Variants in MEF2A observed in about 807,000 individuals in gnomAD.
MEF2A encodes the protein myocyte-specific enhancer factor 2A.
In MEF2A, 28 loss-of-function variants were observed where a neutral mutation model predicts 55.8. That is an observed-to-expected ratio of 0.50 (90% CI 0.37 to 0.69). The LOEUF is 0.69. MEF2A is among the 30% of genes least tolerant of loss of function. The pLI is 0.00. For missense variants in MEF2A, 528 were observed against 626.2 expected (o/e 0.84, Z 1.67); for synonymous variants, 239 against 227.1 (o/e 1.05, Z -0.47).
intron 4 of MEF2A, 109 bp downstream of exon 4, chr15:99,645,873 A>T (rs1188265284): frequency 1.5e-5 from 11 of 751,336 alleles, no homozygotes; most frequent in Non-Finnish European, 1.9e-5. Flanking sequence ...TTAGGTGTAT[A>T]TGTATCTTTT....
chr15:99,665,731 C>CAAAAAAAAAAAAAAAAA (rs752473261), intron 4 of MEF2A, among the ~76,000 whole-genome samples: 40 of 20,236 alleles, frequency 2.0e-3, no homozygotes, highest in African/African-American at 2.5e-3. Context: ...CTTAAATTTA[C>CAAAAAAAAAAAAAAAAA]AAAAAAAAAA....
At position 99,713,697 on chromosome 15, in the gene MEF2A, C is replaced by T. The variant is rs1218445846; in HGVS notation, c.*926C>T. The T allele has an allele frequency of 6.6e-6, 1 of 151,608 alleles. No homozygotes were observed. The highest frequency in any genetic ancestry group is 1.5e-5 in the Non-Finnish European group (1 of 67,904). The allele number at this position is 151,608 out of a possible 1,614,324, so 9.4% of individuals were successfully genotyped here. ...TATAAGCCAAAGCTATATGTTGTAA[C>T]TTTTTTTTAGAGAATAGCTTTATCT... On this transcript the variant is annotated 3_prime_UTR_variant, in exon 12 of 12. Coordinates refer to ENST00000557942, the MANE Select transcript of MEF2A (RefSeq NM_001319206.4).
intron 3 of MEF2A, among the ~76,000 whole-genome samples, chr15:99,638,420 G>A (rs941217957): frequency 3.9e-5 from 6 of 152,030 alleles, no homozygotes; most frequent in African/African-American, 1.4e-4. Context: ...TGGGATTCTA[G>A]TTACATATAA....
chr15:99,671,105 A>C (rs1334268767), intron 4 of MEF2A, among the ~76,000 whole-genome samples: 3 of 152,244 alleles, frequency 2.0e-5, no homozygotes, highest in Non-Finnish European at 4.4e-5. Flanking sequence ...CCAAACAAAT[A>C]TTCCTTTTCT....
At chr15:99,621,646 G>A (rs1295421767) in intron 2 of MEF2A, among the ~76,000 whole-genome samples, 1 of 152,070 alleles carries the variant, frequency 6.6e-6, no homozygotes, top group Admixed American at 6.5e-5. Flanking sequence ...CCTGATGTAT[G>A]AGTCTTATGT....
intron 7 of MEF2A, among the ~76,000 whole-genome samples, chr15:99,687,050 T>C (rs2054375943): frequency 1.1e-5 from 1 of 91,574 alleles, no homozygotes; most frequent in Admixed American, 1.1e-4. Flanking sequence ...TTTCTGGGAC[T>C]ACAGGTGCAC....
chr15:99,596,661 A>C (rs1350227900), intron 1 of MEF2A, among the ~76,000 whole-genome samples: 1 of 152,242 alleles, frequency 6.6e-6, no homozygotes, highest in Non-Finnish European at 1.5e-5. Flanking sequence ...TCACCGGATC[A>C]TGCAATTCTA....
rs761954497 is a variant in MEF2A, at chr15:99,675,405, T to C, written c.617T>C (p.Met206Thr). The C allele has an allele frequency of 6.2e-7, 1 of 1,613,852 alleles. No individual in the cohort carries two copies. Among genetic ancestry groups the C allele is most frequent in the African/African-American group, 1.3e-5 (1 of 75,050 alleles). The change falls in exon 7 of 12, where the codon ATG (methionine) becomes ACG (threonine). Residue 206 changes from methionine to threonine, a missense_variant. This residue lies in a region of MEF2A where 450 missense variants were observed against 475.3 expected (regional missense o/e 0.95). Coordinates refer to ENST00000557942, the MANE Select transcript of MEF2A (RefSeq NM_001319206.4). ...CTCTCCGTAACGTTGTTAGGTGGGA[T>C]GTTGAGCACTACAGACCTCACAGTG... ...RPPSTGNAGG[M>T]LSTTDLTVPN... is the part of the protein sequence containing the mutation.
chr15:99,654,585 G>GA (rs2153533934), intron 4 of MEF2A, among the ~76,000 whole-genome samples: 1 of 151,330 alleles, frequency 6.6e-6, no homozygotes, highest in Admixed American at 6.6e-5. Context: ...AAAAAAAGGG[G>GA]GGGGTATTGG....
intron 4 of MEF2A, among the ~76,000 whole-genome samples, chr15:99,667,900 T>A (rs1290972078): frequency 6.6e-6 from 1 of 151,868 alleles, no homozygotes; most frequent in African/African-American, 2.4e-5. Context: ...CAATACAGAG[T>A]TTTAAGAGAT....
intron 1 of MEF2A, among the ~76,000 whole-genome samples, chr15:99,571,212 A>G (rs1342450345): frequency 2.0e-5 from 3 of 151,954 alleles, no homozygotes; most frequent in South Asian, 4.2e-4. Flanking sequence ...AACAACAACA[A>G]CAGACTTCCC....
At chr15:99,621,115 G>A (rs1441987674) in intron 2 of MEF2A, 1 of 152,272 alleles carries the variant, frequency 6.6e-6, no homozygotes. Flanking sequence ...AAAGCGCTGG[G>A]ATTACAGGCG....
chr15:99,643,592 ATTT>A (rs551157873), intron 3 of MEF2A, among the ~76,000 whole-genome samples: 2 of 139,662 alleles, frequency 1.4e-5, no homozygotes, highest in Non-Finnish European at 1.6e-5. Flanking sequence ...TATATTGAGA[ATTT>A]TTTTTTTTTT....
chr15:99,690,533 C>A, intron 8 of MEF2A, 105 bp downstream of exon 8: 1 of 928,908 alleles, frequency 1.1e-6, no homozygotes, highest in South Asian at 1.4e-5. Flanking sequence ...GAATCTACAC[C>A]TATTCCTAAT....
chr15:99,569,913 A>G (rs977061581), intron 1 of MEF2A, among the ~76,000 whole-genome samples: 3 of 151,984 alleles, frequency 2.0e-5, no homozygotes, highest in African/African-American at 7.2e-5. Context: ...AGTTTATTAT[A>G]ATTAAGAGTG....
At chr15:99,578,436 T>C (rs959105321) in intron 1 of MEF2A, among the ~76,000 whole-genome samples, 6 of 152,238 alleles carry the variant, frequency 3.9e-5, no homozygotes, top group Non-Finnish European at 8.8e-5. Flanking sequence ...TTCTTCACTT[T>C]CTGGTACTGA....
intron 2 of MEF2A, among the ~76,000 whole-genome samples, chr15:99,619,313 C>T (rs1168072173): frequency 6.6e-6 from 1 of 152,100 alleles, no homozygotes; most frequent in African/African-American, 2.4e-5. Context: ...AGCTTCTCAC[C>T]CCCTCATGAA....
At chr15:99,589,953 A>G (rs1567173622) in intron 1 of MEF2A, among the ~76,000 whole-genome samples, 1 of 152,084 alleles carries the variant, frequency 6.6e-6, no homozygotes, top group Admixed American at 6.5e-5. Context: ...AGACACATGT[A>G]CATTTTCATG....
intron 3 of MEF2A, among the ~76,000 whole-genome samples, chr15:99,644,419 A>G (rs531515820): frequency 1.6e-4 from 25 of 152,220 alleles, no homozygotes; most frequent in Non-Finnish European, 2.9e-4. Flanking sequence ...TTGCTTTTAC[A>G]TGTACGTATT....
Sources: allele counts gnomAD v4.1 joint callset (sites outside exome capture counted in the v4.1 genomes callset), GRCh38; gene constraint gnomAD v4.1.1; regional missense constraint gnomAD v4.1.1; transcripts MANE v1.5; gene names NCBI Gene and HGNC (gene_info 2026-07-23, HGNC 2026-07-21).